The following CTSB variants were observed in gnomAD, a reference collection of about 807,000 sequenced individuals.
CTSB encodes the protein cathepsin B.
CTSB carries 57 observed loss-of-function variants against 44.3 expected under a neutral mutation model. The observed-to-expected ratio is 1.29, with a 90% CI of 1.04 to 1.60. The LOEUF is 1.60. CTSB is among the 40% of genes most tolerant of loss of function. The probability of loss-of-function intolerance (pLI) is 0.00; values close to 1 mark genes in which losing one functional copy is unlikely to be tolerated. For synonymous variants in CTSB, 320 were observed against 168.0 expected, an observed-to-expected ratio of 1.91 and a Z score of -7.00; for missense variants, 768 against 443.0, an observed-to-expected ratio of 1.73 and a Z score of -6.59.
At chr8:11,857,674 G>A (rs1282352240) in intron 1 of CTSB, among the ~76,000 whole-genome samples, 13 of 151,994 alleles carry the variant, frequency 8.6e-5, no homozygotes, top group African/African-American at 2.9e-4. Flanking sequence ...GGGCCCCCTC[G>A]CCACTTCACT....
chr8:11,848,005 C>T lies in CTSB; in HGVS notation c.532+62G>A, dbSNP rs372934778. ...CCCAGTTTATAAAGGCAAATAAAGC[C>T]ATGATGGTTAATTGCTCAAACAATC... On this transcript the variant is annotated intron_variant, in intron 6 of 9. Transcript: ENST00000353047. 44 of 1,434,122 alleles carry T rather than the reference C, an allele frequency of 3.1e-5. No homozygotes were observed. The African/African-American group carries it at 4.8e-4, about 16-fold the overall frequency. The allele number at this position is 1,434,122 out of a possible 1,614,324, so 88.8% of individuals were successfully genotyped here.
In CTSB at chr8:11,853,345, C is replaced by T. The variant is rs753853440; in HGVS notation, c.110G>A (p.Arg37Gln). The T allele has an allele frequency of 7.4e-6, 12 of 1,613,254 alleles. No individual in the cohort carries two copies. The highest frequency in any genetic ancestry group is 1.7e-5 in the Admixed American group (1 of 59,854). ...SDELVNYVNK[R>Q]NTTWQAGHNF... ...ACAGCCTACCTGCCACGTGGTATTC[C>T]GTTTGTTGACATAGTTGACCAGCTC... The change falls in exon 2 of 10, where the codon CGG (arginine) becomes CAG (glutamine). Residue 37 changes from arginine (R) to glutamine (Q), a missense_variant. Transcript: ENST00000353047.
chr8:11,845,569 G>T (rs756229832), intron 9 of CTSB, 92 bp downstream of exon 9: 27 of 1,478,774 alleles, frequency 1.8e-5, no homozygotes, highest in Non-Finnish European at 2.5e-5. Context: ...AGGGTTTAAG[G>T]CTGTGCGGTG....
intron 1 of CTSB, among the ~76,000 whole-genome samples, chr8:11,858,964 G>C (rs6980952): frequency 0.36 from 54,235 of 151,876 alleles, 9,881 homozygotes; most frequent in East Asian, 0.46. Context: ...CTTATTTCAC[G>C]AGGGAAGGAT....
Position 11,845,153 on chromosome 8 carries a change from C to G in CTSB, c.992G>C (p.Arg331Pro), listed in dbSNP as rs550759533. Residue 331 changes from arginine (R) to proline (P), a missense_variant, in exon 10 of 10, where the codon CGC becomes CCC. Arg to Pro is a moderately radical substitution (Grantham distance 103). Coordinates refer to ENST00000353047, the MANE Select transcript of CTSB (RefSeq NM_001908.5). ...GATCTTTTCCCAGTACTGATCGGTG[C>G]GTGGAATTCCAGCCACCACTTCTGA... ...IESEVVAGIP[R>P]TDQYWEKI 2.5e-5 allele frequency: 41 copies of G among 1,613,716 alleles called. No individual in the cohort carries two copies. The Admixed American group carries it at 3.7e-4, about 14-fold the overall frequency.
chr8:11,849,096 C>T lies in CTSB; in HGVS notation c.396G>A (p.Glu132=). ...CIHTNAHVSV[E]VSAEDLLTCC... ...ATGTGAGCAGGTCCTCCGCCGACAC[C>T]TCCACGCTGACGTGCGCATTGGTGT... Residue 132 remains glutamate, a synonymous_variant, in exon 5 of 10, where the codon GAG becomes GAA. Transcript: ENST00000353047. 2 of 1,613,686 alleles carry T rather than the reference C, an allele frequency of 1.2e-6. No homozygotes were observed. Among genetic ancestry groups the T allele is most frequent in the Middle Eastern group, 1.7e-4 (1 of 6,044 alleles).
At chr8:11,856,085 A>C (rs529260238) in intron 1 of CTSB, among the ~76,000 whole-genome samples, 2 of 152,208 alleles carry the variant, frequency 1.3e-5, no homozygotes, top group Non-Finnish European at 2.9e-5. Flanking sequence ...GATAAAATCA[A>C]GGAGGTATTC....
chr8:11,863,996 C>G (rs1354203694), intron 1 of CTSB, among the ~76,000 whole-genome samples: 6 of 152,112 alleles, frequency 3.9e-5, no homozygotes, highest in Non-Finnish European at 8.8e-5. Flanking sequence ...TAATAGTGAA[C>G]ACGAAATAAC....
chr8:11,846,918 G>GC lies in CTSB; in HGVS notation c.793+133dup, dbSNP rs1374092630. On this transcript the variant is annotated intron_variant, in intron 8 of 9. Transcript: ENST00000353047. ...ACAGAGGAGTGAGCCTATATGGAAG[G>GC]CCCCACACAGCCCTCTTCCCCAGCC... 5 of 669,146 alleles carry GC rather than the reference G, an allele frequency of 7.5e-6. No homozygotes were observed. The Admixed American group carries it at 1.1e-4, about 14-fold the overall frequency. The allele number at this position is 669,146 out of a possible 1,614,324, so 41.5% of individuals were successfully genotyped here.
intron 1 of CTSB, among the ~76,000 whole-genome samples, chr8:11,867,014 T>G (rs2150467293): frequency 6.6e-6 from 1 of 151,698 alleles, no homozygotes. Context: ...ACTTCTCCAG[T>G]GGGTTTGGGG....
At chr8:11,850,653 C>G (rs969040280) in intron 4 of CTSB, 1 of 432,324 alleles carries the variant, frequency 2.3e-6, no homozygotes, top group Non-Finnish European at 4.3e-6. Context: ...CGTGGACTTG[C>G]AATCTGCTGG....
At position 11,853,311 on chromosome 8, in the gene CTSB, C is replaced by T. The variant is rs770371081; in HGVS notation, c.126+18G>A. 7 of 1,612,190 alleles carry T rather than the reference C, an allele frequency of 4.3e-6. No homozygotes were observed. Among genetic ancestry groups the T allele is most frequent in the Middle Eastern group, 1.6e-4 (1 of 6,076 alleles). On this transcript the variant is annotated intron_variant, in intron 2 of 9. Coordinates refer to ENST00000353047, the MANE Select transcript of CTSB (RefSeq NM_001908.5). Reference sequence around the variant, plus strand: ...GACCTGGGAGGGGACATACATAGGACGCAGCCCCACAGCCTACCTGCCACG... The same window carrying T: ...GACCTGGGAGGGGACATACATAGGATGCAGCCCCACAGCCTACCTGCCACG...
In CTSB at chr8:11,848,079, C is replaced by T. The variant is rs543876755; in HGVS notation, c.520G>A (p.Glu174Lys). The T allele has an allele frequency of 3.7e-6, 6 of 1,613,142 alleles. No homozygotes were observed. Among genetic ancestry groups the T allele is most frequent in the Admixed American group, 1.7e-5 (1 of 59,952 alleles). ...GGGACACACTTACCTACATGGGATT[C>T]ATAGAGGCCACCAGAAACCAGGCCT... ...RKGLVSGGLY[E>K]SHVGCRPYSI... Residue 174 changes from glutamate to lysine, a missense_variant, in exon 6 of 10, where the codon GAA (glutamate) becomes AAA (lysine). Coordinates refer to ENST00000353047, the MANE Select transcript of CTSB (RefSeq NM_001908.5).
At position 11,845,700 on chromosome 8, in the gene CTSB, G is replaced by T; in HGVS notation, c.883C>A (p.Leu295Met). ...TCAGTGTTCCAGGAGTTGGCAACCA[G>T]CCAGTAGGGTGTGCCATTCTCCACT... ...WGVENGTPYWLVANSWNTDWG... is the reference protein window; with the variant it reads ...WGVENGTPYWMVANSWNTDWG... Residue 295 changes from leucine (L) to methionine (M), a missense_variant, in exon 9 of 10, where the codon CTG (leucine) becomes ATG (methionine). Transcript: ENST00000353047. 6.2e-7 allele frequency: 1 copy of T among 1,614,132 alleles called. No homozygotes were observed. Among genetic ancestry groups the T allele is most frequent in the South Asian group, 1.1e-5 (1 of 91,076 alleles).
intron 9 of CTSB, 96 bp from the exon 10 acceptor site, chr8:11,845,318 C>A: frequency 1.1e-6 from 1 of 948,618 alleles, no homozygotes; most frequent in Non-Finnish European, 1.6e-6. Context: ...TCATCCCTGG[C>A]CACTCCTGCT....
chr8:11,850,935 T>C lies in CTSB; in HGVS notation c.258A>G (p.Ala86=), dbSNP rs1814480343. 6.2e-7 allele frequency: 1 copy of C among 1,613,402 alleles called. No individual in the cohort carries two copies. Among genetic ancestry groups the C allele is most frequent in the Admixed American group, 1.7e-5 (1 of 59,952 alleles). The change falls in exon 4 of 10, where the codon GCA becomes GCG. Residue 86 remains alanine (A), a synonymous_variant. Coordinates refer to ENST00000353047, the MANE Select transcript of CTSB (RefSeq NM_001908.5). Reference sequence around the variant, plus strand: ...TGGGACACTGTGGCCATTGTTCCCGTGCATCGAAGCTTGCAGGCAGCTTCA... The same window carrying C: ...TGGGACACTGTGGCCATTGTTCCCGCGCATCGAAGCTTGCAGGCAGCTTCA... ...EDLKLPASFD[A]REQWPQCPTI...
chr8:11,851,753 G>A (rs1814633831), intron 3 of CTSB, among the ~76,000 whole-genome samples: 1 of 151,810 alleles, frequency 6.6e-6, no homozygotes, highest in African/African-American at 2.4e-5. Context: ...CGCAACCTCT[G>A]CCTCCCGGGT....
Position 11,856,109 on chromosome 8 carries a change from T to C in CTSB, c.-25-2630A>G, listed in dbSNP as rs549865654. 5.3e-5 allele frequency among the ~76,000 whole-genome samples: 8 copies of C among 151,952 alleles called. No homozygotes were observed. In the East Asian group the frequency reaches 9.7e-4, roughly 18 times the overall value. On this transcript the variant is annotated intron_variant, in intron 1 of 9. Coordinates refer to ENST00000353047, the MANE Select transcript of CTSB (RefSeq NM_001908.5). ...AAGGAGGTATTCAGCATGTATCAGA[T>C]TGGCAAGGGCTGGACAGTTTGGCAC...
chr8:11,849,137 C>T lies in CTSB; in HGVS notation c.355G>A (p.Asp119Asn). Residue 119 changes from aspartate (D) to asparagine (N), a missense_variant, in exon 5 of 10, where the codon GAC (aspartate) becomes AAC (asparagine). Transcript: ENST00000353047. ...GCATTGGTGTGGATGCAGATCCGGT[C>T]AGAGATGGCTTCCACAGCCCCGAAG... ...WAFGAVEAISDRICIHTNAHV... is the reference protein window; with the variant it reads ...WAFGAVEAISNRICIHTNAHV... 6.2e-7 allele frequency: 1 copy of T among 1,613,044 alleles called. No individual in the cohort carries two copies. The highest frequency in any genetic ancestry group is 8.5e-7 in the Non-Finnish European group (1 of 1,179,814).
Sources: gnomAD v4.1 joint callset for allele counts (sites outside exome capture counted in the v4.1 genomes callset) on GRCh38, gnomAD v4.1.1 for gene constraint, MANE v1.5 for transcripts, NCBI Gene and HGNC (gene_info 2026-07-23, HGNC 2026-07-21) for gene names.